The following EYA4 variants were observed in gnomAD, a reference collection of about 807,000 sequenced individuals.
EYA4 encodes EYA transcriptional coactivator and phosphatase 4.
EYA4 carries 31 observed loss-of-function variants against 87.9 expected under a neutral mutation model. The ratio of observed to expected loss-of-function variants is 0.35; its 90% confidence interval spans 0.27 to 0.48. The LOEUF is 0.48. Ranked by LOEUF, EYA4 falls within the 20% of genes least tolerant of loss-of-function variation. The pLI, the probability that EYA4 is intolerant of heterozygous loss-of-function variation, is 0.99. For synonymous variants in EYA4, 263 were observed against 270.6 expected (o/e 0.97, Z 0.28); for missense variants, 678 against 761.4 (o/e 0.89, Z 1.29).
At chr6:133,277,325 A>C (rs918343547) in intron 2 of EYA4, among the ~76,000 whole-genome samples, 2 of 152,206 alleles carry the variant, frequency 1.3e-5, no homozygotes, top group Non-Finnish European at 2.9e-5. Context: ...AGTAGTAGAG[A>C]TCAGAATTAA....
Position 133,259,388 on chromosome 6 carries a change from A to G in EYA4, c.-65-15328A>G, listed in dbSNP as rs141559790. On this transcript the variant is annotated intron_variant, in intron 1 of 19. Transcript: ENST00000355286. The stretch of plus-strand genomic sequence containing the variant: ...AAACACCAAATGTATTTGATACATT[A>G]TTTTCTGAATTCTTACAACTTCAGC... Among the ~76,000 whole-genome samples, 782 of 152,296 alleles carry G rather than the reference A, an allele frequency of 5.1e-3. 10 individuals carry two copies. Among genetic ancestry groups the G allele is most frequent in the Non-Finnish European group, 8.7e-3 (591 of 68,016 alleles).
chr6:133,431,829 A>AT (rs969957179), intron 3 of EYA4, among the ~76,000 whole-genome samples: 75 of 152,312 alleles, frequency 4.9e-4, no homozygotes, highest in African/African-American at 1.6e-3. Flanking sequence ...TTTATGCAAT[A>AT]TTTAAAAACT....
intron 1 of EYA4, among the ~76,000 whole-genome samples, chr6:133,272,556 C>T (rs1271511465): frequency 6.6e-6 from 1 of 152,120 alleles, no homozygotes; most frequent in African/African-American, 2.4e-5. Flanking sequence ...CACCAAAGCC[C>T]AGTAATGGGC....
chr6:133,266,914 A>G (rs1377776840), intron 1 of EYA4, among the ~76,000 whole-genome samples: 1 of 152,186 alleles, frequency 6.6e-6, no homozygotes, highest in Non-Finnish European at 1.5e-5. Flanking sequence ...TACATTATGT[A>G]TGTTACATTC....
intron 2 of EYA4, among the ~76,000 whole-genome samples, chr6:133,282,921 C>A (rs1777746417): frequency 6.6e-6 from 1 of 152,118 alleles, no homozygotes; most frequent in Non-Finnish European, 1.5e-5. Flanking sequence ...GCTATGATAT[C>A]TTTGGGTACC....
chr6:133,408,945 A>C (rs540771629), intron 3 of EYA4, among the ~76,000 whole-genome samples: 1 of 152,274 alleles, frequency 6.6e-6, no homozygotes, highest in African/African-American at 2.4e-5. Context: ...ATAGTGAAAA[A>C]AAGAGTTCAC....
chr6:133,467,138 A>G (rs556095047), intron 10 of EYA4, among the ~76,000 whole-genome samples: 1 of 152,236 alleles, frequency 6.6e-6, no homozygotes, highest in South Asian at 2.1e-4. Flanking sequence ...TTGAATATGA[A>G]AAGACATTAT....
At chr6:133,307,394 A>G (rs921517075) in intron 2 of EYA4, among the ~76,000 whole-genome samples, 9 of 152,212 alleles carry the variant, frequency 5.9e-5, no homozygotes, top group Non-Finnish European at 1.2e-4. Context: ...CTGTTGGGAA[A>G]AATTCTTACT....
At chr6:133,303,914 T>A (rs1232889712) in intron 2 of EYA4, among the ~76,000 whole-genome samples, 1 of 152,128 alleles carries the variant, frequency 6.6e-6, no homozygotes, top group Non-Finnish European at 1.5e-5. Flanking sequence ...AGCTCCTGGC[T>A]GGAGGTGAAG....
At chr6:133,436,048 G>T (rs564610732) in intron 3 of EYA4, among the ~76,000 whole-genome samples, 1 of 151,952 alleles carries the variant, frequency 6.6e-6, no homozygotes, top group African/African-American at 2.4e-5. Flanking sequence ...GTGAAACCCC[G>T]TCTCCACTAA....
At chr6:133,443,442 T>A (rs913606859) in intron 3 of EYA4, among the ~76,000 whole-genome samples, 6 of 152,076 alleles carry the variant, frequency 3.9e-5, no homozygotes, top group African/African-American at 9.6e-5. Context: ...TACTTCCTTA[T>A]TACCCTTTCA....
At chr6:133,410,158 G>A (rs542199368) in intron 3 of EYA4, among the ~76,000 whole-genome samples, 1 of 152,082 alleles carries the variant, frequency 6.6e-6, no homozygotes, top group Non-Finnish European at 1.5e-5. Flanking sequence ...TGTCCTAAGT[G>A]TTCTTAGTAT....
At chr6:133,240,689 A>G (rs913320231), upstream of EYA4, 2 of 152,348 alleles carry the variant, frequency 1.3e-5, no homozygotes, top group Non-Finnish European at 2.9e-5. Flanking sequence ...AGCACAGCCT[A>G]TCCCCAGACC....
intron 3 of EYA4, among the ~76,000 whole-genome samples, chr6:133,408,477 G>A (rs1788926185): frequency 1.3e-5 from 2 of 152,004 alleles, no homozygotes; most frequent in Admixed American, 6.5e-5. Context: ...ATCTCAGCAA[G>A]TTCAGTTTTG....
chr6:133,445,559 T>C (rs1792736323), intron 3 of EYA4, among the ~76,000 whole-genome samples: 1 of 151,792 alleles, frequency 6.6e-6, no homozygotes, highest in African/African-American at 2.4e-5. Flanking sequence ...TTCTTTTTCC[T>C]AGTTTCCTTT....
At chr6:133,293,282 C>T (rs1392469302) in intron 2 of EYA4, among the ~76,000 whole-genome samples, 1 of 152,150 alleles carries the variant, frequency 6.6e-6, no homozygotes, top group Non-Finnish European at 1.5e-5. Flanking sequence ...TGAGACACAT[C>T]ACCTGCAGAA....
chr6:133,273,040 AC>A (rs1582812225), intron 1 of EYA4, among the ~76,000 whole-genome samples: 1 of 149,126 alleles, frequency 6.7e-6, no homozygotes, highest in East Asian at 2.0e-4. Context: ...CACTCTTGTT[AC>A]CAAAATCTGT....
intron 2 of EYA4, among the ~76,000 whole-genome samples, chr6:133,287,049 G>A (rs1191697373): frequency 6.6e-6 from 1 of 151,564 alleles, no homozygotes; most frequent in African/African-American, 2.4e-5. Flanking sequence ...GTGTGTGTCG[G>A]GGGGACCACA....
At chr6:133,509,859 A>C (rs1583507545) in intron 14 of EYA4, among the ~76,000 whole-genome samples, 1 of 152,182 alleles carries the variant, frequency 6.6e-6, no homozygotes, top group South Asian at 2.1e-4. Flanking sequence ...CTTTTTGGTC[A>C]AAATGATTCT....
Sources: allele counts gnomAD v4.1 joint callset (sites outside exome capture counted in the v4.1 genomes callset), GRCh38; gene constraint gnomAD v4.1.1; transcripts MANE v1.5; gene names NCBI Gene and HGNC (gene_info 2026-07-23, HGNC 2026-07-21).